Variants in TMEM245 observed in about 807,000 individuals in gnomAD.
TMEM245 encodes transmembrane protein 245, also known as protein CG-2.
Under a neutral mutation model 101.2 loss-of-function variants are expected in TMEM245, and 69 were observed. The ratio of observed to expected loss-of-function variants is 0.68; its 90% CI spans 0.56 to 0.83. The LOEUF is 0.83. TMEM245 is among the 40% of genes least tolerant of loss of function. The probability of loss-of-function intolerance (pLI) is 0.00; values close to 1 mark genes in which losing one functional copy is unlikely to be tolerated. For synonymous variants in TMEM245, 537 were observed against 449.8 expected (o/e 1.19, Z -2.45); for missense variants, 1,075 against 1,092.8 (o/e 0.98, Z 0.23).
rs150403448 is a variant in TMEM245, at chr9:109,037,432, T to C, written c.2224+585A>G. Among the ~76,000 whole-genome samples, 36 of 152,320 alleles carry C rather than the reference T, an allele frequency of 2.4e-4. 1 individual carries two copies. Among genetic ancestry groups the C allele is most frequent in the African/African-American group, 8.4e-4 (35 of 41,582 alleles). On this transcript the variant is annotated intron_variant, in intron 15 of 17. Coordinates refer to ENST00000374586, the MANE Select transcript of TMEM245 (RefSeq NM_032012.4). ...GATCTGTGTCCCCACCAAAATCCCA[T>C]GTCAAATTGTAATCCCCAATGTTGG...
intron 6 of TMEM245, among the ~76,000 whole-genome samples, chr9:109,086,776 G>T (rs1307144909): frequency 6.6e-6 from 1 of 152,150 alleles, no homozygotes; most frequent in Admixed American, 6.5e-5. Context: ...GGTTTTCCAT[G>T]ATTCATCTGA....
At chr9:109,035,349 A>C (rs1330152516) in intron 16 of TMEM245, among the ~76,000 whole-genome samples, 1 of 152,032 alleles carries the variant, frequency 6.6e-6, no homozygotes, top group Non-Finnish European at 1.5e-5. Context: ...TTCTCTCTCA[A>C]GTTTTAATGT....
At chr9:109,020,824 T>C (rs764499398) in intron 17 of TMEM245, among the ~76,000 whole-genome samples, 15 of 152,252 alleles carry the variant, frequency 9.9e-5, no homozygotes, top group Admixed American at 2.0e-4. Flanking sequence ...AGAGCAATCT[T>C]CTTCAGCTCT....
intron 3 of TMEM245, among the ~76,000 whole-genome samples, chr9:109,097,744 C>T (rs1830178892): frequency 6.6e-6 from 1 of 152,114 alleles, no homozygotes; most frequent in African/African-American, 2.4e-5. Flanking sequence ...CATGGTGAAA[C>T]CCCGTCTCTA....
At chr9:109,070,840 C>T (rs1378815921) in intron 9 of TMEM245, among the ~76,000 whole-genome samples, 1 of 152,076 alleles carries the variant, frequency 6.6e-6, no homozygotes, top group Non-Finnish European at 1.5e-5. Flanking sequence ...TGAAATCGTA[C>T]CATTTGGGCT....
At chr9:109,068,163 C>T (rs564899253) in intron 9 of TMEM245, among the ~76,000 whole-genome samples, 23 of 151,886 alleles carry the variant, frequency 1.5e-4, no homozygotes, top group South Asian at 1.0e-3. Context: ...ATCAGGAGAT[C>T]GAGACCATCC....
chr9:109,057,273 C>T lies in TMEM245; in HGVS notation c.1772G>A (p.Arg591His), dbSNP rs753768436. 70 of 1,613,936 alleles carry T rather than the reference C, an allele frequency of 4.3e-5. No homozygotes were observed. The highest frequency in any genetic ancestry group is 5.5e-5 in the South Asian group (5 of 91,076). Residue 591 changes from arginine (R) to histidine (H), a missense_variant, in exon 12 of 18, where the codon CGT (arginine) becomes CAT (histidine). Arg to His is a conservative substitution (Grantham distance 29). This residue lies in a region of TMEM245 where 267 missense variants were observed against 351.3 expected (regional missense o/e 0.76). Coordinates refer to ENST00000374586, the MANE Select transcript of TMEM245 (RefSeq NM_032012.4). The stretch of plus-strand genomic sequence containing the variant: ...AATGTCTCCCAGCCAGCTATTCTGA[C>T]GACTGACATGCAACTTCTGTCCTTT... ...RHKGQKLHVSRQNSWLGDILD... is the reference protein window; with the variant it reads ...RHKGQKLHVSHQNSWLGDILD...
intron 11 of TMEM245, among the ~76,000 whole-genome samples, chr9:109,057,781 C>T (rs1263717426): frequency 6.6e-6 from 1 of 151,942 alleles, no homozygotes; most frequent in Non-Finnish European, 1.5e-5. Flanking sequence ...CTACGAACTC[C>T]ATTTAAAGAC....
At chr9:109,055,987 CAAAG>C (rs1480231052) in intron 12 of TMEM245, among the ~76,000 whole-genome samples, 2 of 152,082 alleles carry the variant, frequency 1.3e-5, no homozygotes, top group Non-Finnish European at 2.9e-5. Flanking sequence ...AAAAAGAAAA[CAAAG>C]AGACAGAAAA....
At chr9:109,021,677 G>A (rs190805551) in intron 17 of TMEM245, among the ~76,000 whole-genome samples, 9 of 152,048 alleles carry the variant, frequency 5.9e-5, no homozygotes, top group Admixed American at 2.0e-4. Flanking sequence ...CACCACATCC[G>A]GCTAATTTTT....
At chr9:109,054,841 A>C (rs1828785787) in intron 12 of TMEM245, among the ~76,000 whole-genome samples, 1 of 152,182 alleles carries the variant, frequency 6.6e-6, no homozygotes. Flanking sequence ...ATTAAAATGA[A>C]GGCAACTATA....
At chr9:109,044,499 C>A (rs1828414660) in intron 14 of TMEM245, among the ~76,000 whole-genome samples, 1 of 152,180 alleles carries the variant, frequency 6.6e-6, no homozygotes, top group Non-Finnish European at 1.5e-5. Flanking sequence ...ACCCTCTTTT[C>A]TAAAGGACTG....
At chr9:109,066,583 G>C (rs1194678795) in intron 9 of TMEM245, among the ~76,000 whole-genome samples, 1 of 151,726 alleles carries the variant, frequency 6.6e-6, no homozygotes, top group Non-Finnish European at 1.5e-5. Flanking sequence ...ACTGAAATGT[G>C]ATTCGGGAGA....
At chr9:109,090,441 G>A (rs1000546798) in intron 5 of TMEM245, among the ~76,000 whole-genome samples, 1 of 151,668 alleles carries the variant, frequency 6.6e-6, no homozygotes. Context: ...GTGAAATACT[G>A]GCCGGGCGCG....
At chr9:109,115,839 C>A (rs1830711403) in intron 1 of TMEM245, among the ~76,000 whole-genome samples, 1 of 151,940 alleles carries the variant, frequency 6.6e-6, no homozygotes. Context: ...CTACAATCCA[C>A]TAAAAATAAT....
At position 109,068,055 on chromosome 9, in the gene TMEM245, A is replaced by G. The variant is rs372866354; in HGVS notation, c.1533-3488T>C. Among the ~76,000 whole-genome samples the G allele has an allele frequency of 3.4e-4, 52 of 152,180 alleles. 2 individuals are homozygous for G. The South Asian group carries it at 9.1e-3, about 27-fold the overall frequency. The stretch of plus-strand genomic sequence containing the variant: ...AGAATCAGACCTTCTATGAATCACC[A>G]AAGTCTAAGCAACTTCAAAAAGCCT... On this transcript the variant is annotated intron_variant, in intron 9 of 17. Coordinates refer to ENST00000374586, the MANE Select transcript of TMEM245 (RefSeq NM_032012.4).
intron 12 of TMEM245, among the ~76,000 whole-genome samples, chr9:109,052,747 G>A (rs1026620118): frequency 2.6e-5 from 4 of 152,152 alleles, no homozygotes; most frequent in African/African-American, 9.6e-5. Flanking sequence ...AGCCAACAAT[G>A]CCTTTACTTG....
intron 11 of TMEM245, 56 bp from the exon 12 acceptor site, chr9:109,057,378 A>G (rs1167790762): frequency 2.5e-6 from 4 of 1,573,484 alleles, no homozygotes; most frequent in Non-Finnish European, 3.5e-6. Context: ...AAGAACAGAA[A>G]GTATAAATGT....
chr9:109,043,043 G>A (rs1043888293), intron 14 of TMEM245, among the ~76,000 whole-genome samples: 1 of 151,820 alleles, frequency 6.6e-6, no homozygotes, highest in Non-Finnish European at 1.5e-5. Context: ...GCATATGCAA[G>A]TTTTGGTTCG....
Sources: allele counts gnomAD v4.1 joint callset (sites outside exome capture counted in the v4.1 genomes callset), GRCh38; gene constraint gnomAD v4.1.1; regional missense constraint gnomAD v4.1.1; transcripts MANE v1.5; gene names NCBI Gene and HGNC (gene_info 2026-07-23, HGNC 2026-07-21).